The following AHI1 variants were observed in gnomAD, a reference collection of about 807,000 sequenced individuals.
The protein encoded by AHI1 is Abelson helper integration site 1, also known as jouberin.
AHI1 carries 123 observed loss-of-function variants against 149.3 expected under a neutral mutation model. The observed-to-expected ratio is 0.82, with a 90% CI of 0.71 to 0.96. The LOEUF (loss-of-function observed/expected upper bound fraction) is 0.96, where lower values mean the gene tolerates loss of function less well. Ranked by LOEUF, AHI1 falls within the 40% of genes least tolerant of loss-of-function variation. The pLI is 0.00. For missense variants in AHI1, 1,439 were observed against 1,422.7 expected (o/e 1.01, Z -0.18); for synonymous variants, 475 against 459.8 (o/e 1.03, Z -0.42).
intron 20 of AHI1, among the ~76,000 whole-genome samples, chr6:135,426,068 G>T (rs575440324): frequency 1.3e-5 from 2 of 151,816 alleles, no homozygotes; most frequent in South Asian, 4.1e-4. Context: ...TTTAGAGTGG[G>T]TACAAAGAGA....
At chr6:135,414,146 G>A (rs1490144521) in intron 20 of AHI1, among the ~76,000 whole-genome samples, 1 of 152,162 alleles carries the variant, frequency 6.6e-6, no homozygotes, top group Non-Finnish European at 1.5e-5. Context: ...CAACAGAATA[G>A]TATAGAGTGC....
At chr6:135,334,926 G>C (rs1352002036) in intron 24 of AHI1, among the ~76,000 whole-genome samples, 1 of 152,196 alleles carries the variant, frequency 6.6e-6, no homozygotes, top group African/African-American at 2.4e-5. Context: ...GGATGGCCCA[G>C]TAATCTGTGT....
intron 23 of AHI1, among the ~76,000 whole-genome samples, chr6:135,371,758 A>G (rs1419763529): frequency 2.0e-5 from 3 of 152,222 alleles, no homozygotes; most frequent in South Asian, 4.1e-4. Flanking sequence ...CCTGGAGTAT[A>G]TATCAGAATG....
chr6:135,325,091 A>G (rs1787450590), intron 24 of AHI1, among the ~76,000 whole-genome samples: 1 of 147,582 alleles, frequency 6.8e-6, no homozygotes, highest in African/African-American at 2.5e-5. Context: ...CACTGGTGTG[A>G]TCTACACTCA....
rs752482032 is a variant in AHI1 at position 135,463,111 on chromosome 6, T to C, written c.931+14A>G. The stretch of plus-strand genomic sequence containing the variant: ...CCAACATACACAATTTTTCATTTAA[T>C]TTGTATAGCAAACCTGCTTTAGTCT... On this transcript the variant is annotated intron_variant, in intron 8 of 28. Coordinates refer to ENST00000265602, the MANE Select transcript of AHI1 (RefSeq NM_001134831.2). 9.7e-6 allele frequency: 15 copies of C among 1,553,814 alleles called. No individual in the cohort carries two copies. The South Asian group carries it at 1.3e-4, about 13-fold the overall frequency.
intron 24 of AHI1, among the ~76,000 whole-genome samples, chr6:135,330,782 T>C (rs939942271): frequency 2.6e-5 from 4 of 152,220 alleles, no homozygotes; most frequent in Non-Finnish European, 5.9e-5. Flanking sequence ...AATCTGCTTG[T>C]ATTTCAGCGT....
intron 26 of AHI1, among the ~76,000 whole-genome samples, chr6:135,306,446 T>C (rs1296586660): frequency 6.6e-6 from 1 of 152,124 alleles, no homozygotes; most frequent in Non-Finnish European, 1.5e-5. Flanking sequence ...CCAAGTCAAC[T>C]TGGAGTAAGA....
chr6:135,370,247 C>T (rs900147098), intron 23 of AHI1, among the ~76,000 whole-genome samples: 12 of 152,118 alleles, frequency 7.9e-5, no homozygotes, highest in Non-Finnish European at 1.8e-4. Context: ...TGGGCTGTTG[C>T]TTAGTTAATT....
chr6:135,465,881 C>A lies in AHI1; in HGVS notation c.682G>T (p.Asp228Tyr). The A allele has an allele frequency of 6.5e-7, 1 of 1,542,606 alleles. No homozygotes were observed. Among genetic ancestry groups the A allele is most frequent in the South Asian group, 1.3e-5 (1 of 76,254 alleles). The change falls in exon 7 of 29, where the codon GAC becomes TAC. Residue 228 changes from aspartate to tyrosine, a missense_variant. By Grantham distance (160) the Asp-to-Tyr change is radical. Coordinates refer to ENST00000265602, the MANE Select transcript of AHI1 (RefSeq NM_001134831.2). ...TTCCTTTTTTCACTGCTTAGTTTGTCATCATGGAATAAAGTATCTGAGGGA... is the reference window on the plus strand; with the variant it reads ...TTCCTTTTTTCACTGCTTAGTTTGTAATCATGGAATAAAGTATCTGAGGGA... ...YFPSDTLFHD[D>Y]KLSSEKRKKK...
intron 5 of AHI1, among the ~76,000 whole-genome samples, chr6:135,480,779 C>T (rs181409582): frequency 8.9e-4 from 136 of 152,304 alleles, no homozygotes; most frequent in Non-Finnish European, 1.4e-3. Flanking sequence ...TCAGGCCACA[C>T]AGCAGGAAGT....
chr6:135,420,717 C>T (rs989527382), intron 20 of AHI1, among the ~76,000 whole-genome samples: 2 of 152,174 alleles, frequency 1.3e-5, no homozygotes, highest in Non-Finnish European at 2.9e-5. Context: ...TAAGGGGGTA[C>T]TGTGGCTGGT....
intron 20 of AHI1, among the ~76,000 whole-genome samples, chr6:135,411,996 T>C (rs937856112): frequency 6.6e-6 from 1 of 152,180 alleles, no homozygotes; most frequent in Non-Finnish European, 1.5e-5. Flanking sequence ...TAAATGCAAG[T>C]ATTTCTTACA....
intron 24 of AHI1, among the ~76,000 whole-genome samples, chr6:135,342,179 ACAAAT>A (rs995131981): frequency 3.3e-5 from 5 of 151,932 alleles, no homozygotes; most frequent in Non-Finnish European, 5.9e-5. Context: ...TTGTATGTTA[ACAAAT>A]CAAATAGCTT....
rs1161923879 is a variant in AHI1 at position 135,438,511 on chromosome 6, T to C, written c.1913-13A>G. On this transcript the variant is annotated splice_polypyrimidine_tract_variant and intron_variant, in intron 14 of 28. Transcript: ENST00000265602. ...GGAATTTCATATACTAATGAAAATA[T>C]TTAGAAATTAGGTTTCCAGACAGAA... 2.6e-6 allele frequency: 4 copies of C among 1,526,606 alleles called. No individual in the cohort carries two copies. The highest frequency in any genetic ancestry group is 1.8e-6 in the Non-Finnish European group (2 of 1,132,696). 94.6% of individuals were successfully genotyped at this position (1,526,606 alleles called of 1,614,324 possible).
At chr6:135,371,205 T>C (rs368152517) in intron 23 of AHI1, among the ~76,000 whole-genome samples, 7 of 152,332 alleles carry the variant, frequency 4.6e-5, no homozygotes, top group African/African-American at 1.7e-4. Flanking sequence ...TCTAATGTTT[T>C]CCTCTGTCTT....
intron 20 of AHI1, among the ~76,000 whole-genome samples, chr6:135,422,788 C>T (rs1783392459): frequency 6.6e-6 from 1 of 151,698 alleles, no homozygotes; most frequent in Non-Finnish European, 1.5e-5. Context: ...CCACACCCAG[C>T]CACCCCCCAC....
At chr6:135,331,254 G>T (rs1788549129) in intron 24 of AHI1, among the ~76,000 whole-genome samples, 1 of 152,182 alleles carries the variant, frequency 6.6e-6, no homozygotes, top group Non-Finnish European at 1.5e-5. Context: ...GGTAATGACA[G>T]GACTAGAAAA....
At chr6:135,492,730 C>G in intron 3 of AHI1, 3 of 985,244 alleles carry the variant, frequency 3.0e-6, no homozygotes, top group Non-Finnish European at 3.6e-6. Flanking sequence ...ATTTAAATAC[C>G]TCTGTGTCTG....
intron 20 of AHI1, among the ~76,000 whole-genome samples, chr6:135,421,557 A>G (rs1783159740): frequency 6.6e-6 from 1 of 152,172 alleles, no homozygotes; most frequent in African/African-American, 2.4e-5. Context: ...ACAGAGTGGT[A>G]GTATTTTGTC....
Sources: gnomAD v4.1 joint callset for allele counts (sites outside exome capture counted in the v4.1 genomes callset) on GRCh38, gnomAD v4.1.1 for gene constraint, MANE v1.5 for transcripts, NCBI Gene and HGNC (gene_info 2026-07-23, HGNC 2026-07-21) for gene names.